GUSB: variants seen among roughly 807,000 people sequenced by gnomAD.
GUSB encodes the protein beta-glucuronidase.
A neutral mutation model predicts 74.6 loss-of-function variants in GUSB; 51 were observed. That is an observed-to-expected ratio of 0.68 (90% confidence interval 0.55 to 0.86). The LOEUF (loss-of-function observed/expected upper bound fraction) is 0.86. Among genes scored for constraint, GUSB ranks in the 40% least tolerant of loss-of-function variants. GUSB has a pLI of 0.00. For missense variants in GUSB, 736 were observed against 853.7 expected (o/e 0.86, Z 1.72); for synonymous variants, 360 against 348.3 (o/e 1.03, Z -0.37).
intron 9 of GUSB, 132 bp downstream of exon 9, chr7:65,970,150 T>C: frequency 2.8e-6 from 2 of 702,534 alleles, no homozygotes; most frequent in Admixed American, 3.9e-5. Flanking sequence ...CTCTATCTTT[T>C]TAAGTAAAAA....
chr7:65,979,888 T>G lies in GUSB; in HGVS notation c.420A>C (p.Leu140=), dbSNP rs754452177. ...AGGGGAGGTAGCCCCCCTCATGCTC[T>G]AGCGTGTCGACCCCATTCACCCACT... ...AIVWVNGVDT[L]EHEGGYLPFE... The change falls in exon 3 of 12, where the codon CTA becomes CTC. Residue 140 remains leucine (L), a synonymous_variant. Coordinates refer to ENST00000304895, the MANE Select transcript of GUSB (RefSeq NM_000181.4). The G allele has an allele frequency of 1.8e-5, 29 of 1,607,146 alleles. 1 individual carries two copies. In the South Asian group the frequency reaches 3.2e-4, roughly 18 times the overall value.
chr7:65,974,970 G>A lies in GUSB; in HGVS notation c.1014C>T (p.Ile338=), dbSNP rs1178239633. 6.2e-7 allele frequency: 1 copy of A among 1,613,796 alleles called. No homozygotes were observed. The highest frequency in any genetic ancestry group is 1.7e-4 in the Middle Eastern group (1 of 6,048). ...CGTGGAAATAGAAAGGTTTCCCATTGATGAGGAACTGGCTCTTGGTGACAG... is the reference window on the plus strand; with the variant it reads ...CGTGGAAATAGAAAGGTTTCCCATTAATGAGGAACTGGCTCTTGGTGACAG... ...TVAVTKSQFL[I]NGKPFYFHGV... The change falls in exon 6 of 12, where the codon ATC becomes ATT. Residue 338 remains isoleucine (I), a synonymous_variant. Transcript: ENST00000304895.
intron 9 of GUSB, among the ~76,000 whole-genome samples, chr7:65,969,965 G>A (rs1005461026): frequency 1.3e-5 from 2 of 152,158 alleles, no homozygotes; most frequent in African/African-American, 2.4e-5. Context: ...ACTGCCTGGC[G>A]AGTAAGCAGG....
Position 65,964,540 on chromosome 7 carries a change from G to A in GUSB, c.1654-82C>T, listed in dbSNP as rs10238732. The A allele has an allele frequency of 2.3e-4, 300 of 1,323,218 alleles. 1 individual carries two copies. The African/African-American group carries it at 3.9e-3, about 17-fold the overall frequency. 82.0% of individuals were successfully genotyped at this position (1,323,218 alleles called of 1,614,324 possible). On this transcript the variant is annotated intron_variant, in intron 10 of 11. Coordinates refer to ENST00000304895, the MANE Select transcript of GUSB (RefSeq NM_000181.4). ...AGATAAAAATAAAGATCCACTTGATGGTGACCAAAATATCTGTCTTCACAG... is the reference window on the plus strand; with the variant it reads ...AGATAAAAATAAAGATCCACTTGATAGTGACCAAAATATCTGTCTTCACAG...
At chr7:65,969,333 T>C (rs960237545) in intron 9 of GUSB, among the ~76,000 whole-genome samples, 1 of 152,042 alleles carries the variant, frequency 6.6e-6, no homozygotes, top group African/African-American at 2.4e-5. Context: ...GAGCTGAGAT[T>C]GCACCATTTC....
chr7:65,967,609 T>C, intron 10 of GUSB, 122 bp downstream of exon 10: 2 of 839,366 alleles, frequency 2.4e-6, no homozygotes, highest in Non-Finnish European at 4.0e-6. Context: ...GACGGGGCCG[T>C]GGGAGGAGAG....
intron 10 of GUSB, among the ~76,000 whole-genome samples, chr7:65,966,031 G>A (rs1318468630): frequency 6.6e-6 from 1 of 152,090 alleles, no homozygotes; most frequent in South Asian, 2.1e-4. Flanking sequence ...TGAGGTGGGC[G>A]TGGTGGCGCA....
At chr7:65,964,506 G>A (rs1193316518) in intron 10 of GUSB, 48 bp from the exon 11 acceptor site, 1 of 1,575,110 alleles carries the variant, frequency 6.3e-7, no homozygotes, top group Admixed American at 1.7e-5. Context: ...TGGCAGAATT[G>A]TAAATGTTAG....
intron 10 of GUSB, among the ~76,000 whole-genome samples, chr7:65,967,255 G>C (rs1790895318): frequency 6.6e-6 from 1 of 152,144 alleles, no homozygotes; most frequent in Admixed American, 6.6e-5. Context: ...AGGAGTTCAA[G>C]ACCAGTCTGG....
chr7:65,962,229 CGGG>C (rs1790547952), intron 11 of GUSB, among the ~76,000 whole-genome samples: 1 of 152,110 alleles, frequency 6.6e-6, no homozygotes, highest in African/African-American at 2.4e-5. Context: ...CAAAGTCCGC[CGGG>C]GCTGACGTCC....
chr7:65,966,254 T>C (rs1790828076), intron 10 of GUSB, among the ~76,000 whole-genome samples: 1 of 151,986 alleles, frequency 6.6e-6, no homozygotes, highest in Admixed American at 6.6e-5. Context: ...TTCCCCTACT[T>C]GACTAGTTTG....
In GUSB at chr7:65,979,537, G is replaced by A; in HGVS notation, c.586C>T (p.Pro196Ser). Residue 196 changes from proline (P) to serine (S), a missense_variant, in exon 4 of 12, where the codon CCC (proline) becomes TCC (serine). Physicochemically the swap from Pro to Ser is moderately conservative, Grantham distance 74. This residue lies in a region of GUSB where 368 missense variants were observed against 363.8 expected (regional missense o/e 1.01). Transcript: ENST00000304895. ...IQYLTDTSKY[P>S]KGYFVQNTYF... ...GTGTTCTGGACAAAGTAACCCTTGG[G>A]ATACCTAGGATGGGAGGACTGTGGT... 1.2e-6 allele frequency: 2 copies of A among 1,614,122 alleles called. No homozygotes were observed. The highest frequency in any genetic ancestry group is 1.7e-6 in the Non-Finnish European group (2 of 1,179,994).
chr7:65,982,140 A>C lies in GUSB; in HGVS notation c.44T>G (p.Leu15Trp), dbSNP rs1583955295. 6.5e-7 allele frequency: 1 copy of C among 1,548,262 alleles called. No individual in the cohort carries two copies. Among genetic ancestry groups the C allele is most frequent in the Non-Finnish European group, 8.7e-7 (1 of 1,147,700 alleles). ...SAVAWAALGPLLWGCALGLQG... is the reference protein window; with the variant it reads ...SAVAWAALGPWLWGCALGLQG... Reference sequence around the variant, plus strand: ...CAGCCCCAGCGCGCAGCCCCACAACAACGGCCCGAGCGCCGCCCAGGCAAC... The same window carrying C: ...CAGCCCCAGCGCGCAGCCCCACAACCACGGCCCGAGCGCCGCCCAGGCAAC... The change falls in exon 1 of 12, where the codon TTG becomes TGG. Residue 15 changes from leucine (L) to tryptophan (W), a missense_variant. Leu to Trp is a moderately conservative substitution (Grantham distance 61). Around this residue, in one of 2 missense-constraint regions of GUSB, gnomAD observed 368 missense variants for 363.8 expected, o/e 1.01. Coordinates refer to ENST00000304895, the MANE Select transcript of GUSB (RefSeq NM_000181.4).
Position 65,974,973 on chromosome 7 carries a change from G to A in GUSB, c.1011C>T (p.Leu337=), listed in dbSNP as rs767561248. 4.3e-6 allele frequency: 7 copies of A among 1,613,804 alleles called. No individual in the cohort carries two copies. The highest frequency in any genetic ancestry group is 5.9e-6 in the Non-Finnish European group (7 of 1,179,726). ...GGAAATAGAAAGGTTTCCCATTGAT[G>A]AGGAACTGGCTCTTGGTGACAGCCA... ...RTVAVTKSQF[L]INGKPFYFHG... is the part of the protein sequence containing the mutation. The change falls in exon 6 of 12, where the codon CTC becomes CTT. Residue 337 remains leucine, a synonymous_variant. Coordinates refer to ENST00000304895, the MANE Select transcript of GUSB (RefSeq NM_000181.4).
At chr7:65,973,890 C>G (rs114131564) in intron 8 of GUSB, among the ~76,000 whole-genome samples, 1 of 151,724 alleles carries the variant, frequency 6.6e-6, no homozygotes, top group African/African-American at 2.4e-5. Context: ...AAAACTGCAC[C>G]GCTGCACTCC....
chr7:65,981,962 C>G lies in GUSB; in HGVS notation c.210+12G>C, dbSNP rs913722390. On this transcript the variant is annotated intron_variant, in intron 1 of 11. Transcript: ENST00000304895. ...CTTTCGGGCGCCTCCCGGCCCTGCC[C>G]CGAGATCGCACCTCCCACAGCGGCC... is the stretch of plus-strand genomic sequence containing the variant. 6.2e-7 allele frequency: 1 copy of G among 1,602,500 alleles called. No homozygotes were observed. Among genetic ancestry groups the G allele is most frequent in the Non-Finnish European group, 8.5e-7 (1 of 1,177,152 alleles).
chr7:65,965,308 G>A (rs1472934538), intron 10 of GUSB, among the ~76,000 whole-genome samples: 2 of 151,934 alleles, frequency 1.3e-5, no homozygotes, highest in Non-Finnish European at 2.9e-5. Context: ...TGGGGCTAAG[G>A]AGGGAGGATC....
chr7:65,967,839 C>A lies in GUSB; in HGVS notation c.1545G>T (p.Glu515Asp). 4 of 1,609,028 alleles carry A rather than the reference C, an allele frequency of 2.5e-6. No individual in the cohort carries two copies. The highest frequency in any genetic ancestry group is 2.5e-6 in the Non-Finnish European group (3 of 1,178,886). Residue 515 changes from glutamate to aspartate, a missense_variant, in exon 10 of 12, where the codon GAG becomes GAT. Physicochemically the swap from Glu to Asp is conservative, Grantham distance 45. Around this residue, in one of 2 missense-constraint regions of GUSB, gnomAD observed 368 missense variants for 489.9 expected, o/e 0.75. Transcript: ENST00000304895. ...GGGTGGCCAGCTGCAGCTGAATCAA[C>A]TCCAGGTGCCCGTAGTCGTGATACC... is the stretch of plus-strand genomic sequence containing the variant. ...YSWYHDYGHL[E>D]LIQLQLATQF... is the part of the protein sequence containing the mutation.
intron 2 of GUSB, 39 bp downstream of exon 2, chr7:65,980,185 G>GGGGGGGGGCC: frequency 6.9e-6 from 5 of 725,274 alleles, no homozygotes; most frequent in Non-Finnish European, 1.2e-5. Context: ...CAGCAGCCGT[G>GGGGGGGGGCC]CCCCCCCACC....
Sources: allele counts gnomAD v4.1 joint callset (sites outside exome capture counted in the v4.1 genomes callset), GRCh38; gene constraint gnomAD v4.1.1; regional missense constraint gnomAD v4.1.1; transcripts MANE v1.5; gene names NCBI Gene and HGNC (gene_info 2026-07-23, HGNC 2026-07-21).